Variants in CEP83 observed in about 807,000 individuals in gnomAD.
CEP83 encodes the protein centrosomal protein of 83 kDa.
Under a neutral mutation model 101.9 loss-of-function variants are expected in CEP83, and 70 were observed. The observed-to-expected ratio is 0.69, with a 90% CI of 0.57 to 0.84. The LOEUF is 0.84. Among genes scored for constraint, CEP83 ranks in the 40% least tolerant of loss-of-function variants. The probability of loss-of-function intolerance (pLI) is 0.00; values close to 1 mark genes in which losing one functional copy is unlikely to be tolerated. For synonymous variants in CEP83, 264 were observed against 267.9 expected (o/e 0.99, Z 0.14); for missense variants, 715 against 787.2 (o/e 0.91, Z 1.10).
At chr12:94,424,163 G>A (rs893903106) in intron 2 of CEP83, 1 of 1,603,538 alleles carries the variant, frequency 6.2e-7, no homozygotes, top group Non-Finnish European at 8.5e-7. Context: ...CCTGTTGGGG[G>A]TGATGTTATA....
At chr12:94,339,172 G>A (rs2059575762) in intron 11 of CEP83, among the ~76,000 whole-genome samples, 1 of 151,996 alleles carries the variant, frequency 6.6e-6, no homozygotes, top group East Asian at 1.9e-4. Context: ...CTCCATGTTG[G>A]GCAGGCTGGT....
At chr12:94,325,069 A>G (rs562504961) in intron 14 of CEP83, among the ~76,000 whole-genome samples, 33 of 152,094 alleles carry the variant, frequency 2.2e-4, no homozygotes, top group African/African-American at 6.5e-4. Flanking sequence ...ACAACATGGC[A>G]TCCTCCCTCC....
the CEP83 span, among the ~76,000 whole-genome samples, chr12:94,300,085 T>C: frequency 1.3e-5 from 2 of 152,304 alleles, no homozygotes; most frequent in Non-Finnish European, 2.9e-5. Flanking sequence ...GTTCGGGTAT[T>C]TGAGTACCTA....
In CEP83 at chr12:94,343,854, G is replaced by T. The variant is rs141599904; in HGVS notation, c.1344-8190C>A. On this transcript the variant is annotated intron_variant, in intron 11 of 16. Coordinates refer to ENST00000397809, the MANE Select transcript of CEP83 (RefSeq NM_016122.3). Reference sequence around the variant, plus strand: ...ATTAAAAAACCTTCTGTTATAGACTGAAACATGTTCCTTCAAGATATGACT... The same window carrying T: ...ATTAAAAAACCTTCTGTTATAGACTTAAACATGTTCCTTCAAGATATGACT... Among the ~76,000 whole-genome samples the T allele has an allele frequency of 7.7e-4, 118 of 152,296 alleles. 1 individual carries two copies. The East Asian group carries it at 0.022, about 28-fold the overall frequency.
At chr12:94,442,084 T>C (rs891035841) in intron 1 of CEP83, among the ~76,000 whole-genome samples, 2 of 151,932 alleles carry the variant, frequency 1.3e-5, no homozygotes, top group Non-Finnish European at 2.9e-5. Context: ...CCAGACTAAA[T>C]GCCCATCAAC....
At chr12:94,455,910 G>A (rs1014227090) in intron 1 of CEP83, among the ~76,000 whole-genome samples, 4 of 151,972 alleles carry the variant, frequency 2.6e-5, no homozygotes, top group African/African-American at 9.7e-5. Context: ...AGCCAGGTGT[G>A]GTGGCATGCA....
chr12:94,419,808 T>G (rs1286672216), intron 2 of CEP83, among the ~76,000 whole-genome samples: 1 of 151,920 alleles, frequency 6.6e-6, no homozygotes, highest in African/African-American at 2.4e-5. Flanking sequence ...AAAAAGAAAC[T>G]TGCGCCTTTC....
At chr12:94,367,746 T>C in intron 11 of CEP83, 48 bp downstream of exon 11, 5 of 1,401,222 alleles carry the variant, frequency 3.6e-6, no homozygotes, top group Non-Finnish European at 4.8e-6. Context: ...TTGTTAACTC[T>C]GACCTTATTT....
Position 94,455,540 on chromosome 12 carries a change from C to T in CEP83, c.-155+4017G>A, listed in dbSNP as rs183941148. On this transcript the variant is annotated intron_variant, in intron 1 of 16. Coordinates refer to ENST00000397809, the MANE Select transcript of CEP83 (RefSeq NM_016122.3). ...AACTCTTTGTTATAAGCATTAGATACAGGATTTTTGGTGAGACTGTAAAAA... is the reference window on the plus strand; with the variant it reads ...AACTCTTTGTTATAAGCATTAGATATAGGATTTTTGGTGAGACTGTAAAAA... 5.9e-5 allele frequency among the ~76,000 whole-genome samples: 9 copies of T among 152,276 alleles called. No individual in the cohort carries two copies. In the South Asian group the frequency reaches 1.7e-3, roughly 28 times the overall value.
At chr12:94,384,581 C>T (rs370806623) in intron 6 of CEP83, among the ~76,000 whole-genome samples, 1 of 152,050 alleles carries the variant, frequency 6.6e-6, no homozygotes, top group South Asian at 2.1e-4. Context: ...TGTTTATTTG[C>T]TTTTTAAATC....
At chr12:94,348,945 CA>C (rs372906136) in intron 11 of CEP83, among the ~76,000 whole-genome samples, 310 of 151,482 alleles carry the variant, frequency 2.0e-3, no homozygotes, top group African/African-American at 6.8e-3. Context: ...CAACTTTTTG[CA>C]GGGAAAATGC....
chr12:94,366,506 T>C (rs1040005137), intron 11 of CEP83, among the ~76,000 whole-genome samples: 1 of 152,106 alleles, frequency 6.6e-6, no homozygotes, highest in Non-Finnish European at 1.5e-5. Context: ...GAATAATGAA[T>C]GCCAGTTTTC....
chr12:94,459,869 C>T (rs1215211897), upstream of CEP83: 4 of 153,180 alleles, frequency 2.6e-5, no homozygotes, highest in Non-Finnish European at 4.4e-5. Context: ...CTCAGGGGTG[C>T]GGCGCCACCC....
intron 6 of CEP83, among the ~76,000 whole-genome samples, chr12:94,396,260 A>G (rs913902542): frequency 1.3e-5 from 2 of 149,060 alleles, no homozygotes; most frequent in Non-Finnish European, 3.0e-5. Context: ...ATGTTCTTAC[A>G]GTCACATGAA....
rs371156897 is a variant in CEP83, at chr12:94,368,497, G to A, written c.1049-296C>T. 6 of 231,722 alleles carry A rather than the reference G, an allele frequency of 2.6e-5. No individual in the cohort carries two copies. In the East Asian group the frequency reaches 2.9e-4, roughly 11 times the overall value. The allele number at this position is 231,722 out of a possible 1,614,324, so 14.4% of individuals were successfully genotyped here. ...AACATTGAGAGTTGAGATCAAACTG[G>A]ATGATAACCAGAGGTTTACTTACTT... On this transcript the variant is annotated intron_variant, in intron 9 of 16. Coordinates refer to ENST00000397809, the MANE Select transcript of CEP83 (RefSeq NM_016122.3).
the CEP83 span, chr12:94,300,802 T>C: frequency 7.2e-6 from 7 of 977,258 alleles, no homozygotes; most frequent in Non-Finnish European, 1.1e-5. Context: ...AGCAGAGTTG[T>C]ATACTTCAAT....
chr12:94,369,524 G>A (rs1279655216), intron 9 of CEP83: 1 of 155,030 alleles, frequency 6.5e-6, no homozygotes, highest in African/African-American at 2.4e-5. Context: ...GAACTGGCCT[G>A]AGGTCTACAT....
Position 94,412,473 on chromosome 12 carries a change from A to G in CEP83, c.18T>C (p.Phe6=). 1 of 1,612,346 alleles carries G rather than the reference A, an allele frequency of 6.2e-7. No individual in the cohort carries two copies. The highest frequency in any genetic ancestry group is 8.5e-7 in the Non-Finnish European group (1 of 1,179,392). Residue 6 remains phenylalanine (F), a synonymous_variant, in exon 3 of 17, where the codon TTT becomes TTC. Transcript: ENST00000397809. Reference sequence around the variant, plus strand: ...TATTGGGAAAAGTGTCCATATCGGTAAATGTGCTGACAACCATGTAAAAAT... The same window carrying G: ...TATTGGGAAAAGTGTCCATATCGGTGAATGTGCTGACAACCATGTAAAAAT... MVVST[F]TDMDTFPNNF...
chr12:94,327,179 G>A (rs1417518549), intron 14 of CEP83, among the ~76,000 whole-genome samples: 1 of 152,138 alleles, frequency 6.6e-6, no homozygotes, highest in Non-Finnish European at 1.5e-5. Flanking sequence ...ATGCCTTAGT[G>A]TTATAAACAA....
Sources: allele counts gnomAD v4.1 joint callset (sites outside exome capture counted in the v4.1 genomes callset), GRCh38; gene constraint gnomAD v4.1.1; transcripts MANE v1.5; gene names NCBI Gene and HGNC (gene_info 2026-07-23, HGNC 2026-07-21).